ATAD1: variants seen among roughly 807,000 people sequenced by gnomAD.
The protein encoded by ATAD1 is outer mitochondrial transmembrane helix translocase.
Under a neutral mutation model 42.7 loss-of-function variants are expected in ATAD1, and 18 were observed. The ratio of observed to expected loss-of-function variants is 0.42; its 90% CI spans 0.29 to 0.63. The LOEUF (loss-of-function observed/expected upper bound fraction) is 0.63, where lower values mean the gene tolerates loss of function less well. ATAD1 is among the 20% of genes least tolerant of loss of function. The probability of loss-of-function intolerance (pLI) is 0.19; values close to 1 mark genes in which losing one functional copy is unlikely to be tolerated. For missense variants in ATAD1, 294 were observed against 440.4 expected (o/e 0.67, Z 2.98); for synonymous variants, 132 against 143.1 (o/e 0.92, Z 0.55).
chr10:87,795,465 G>GTTT (rs60783935), intron 2 of ATAD1, among the ~76,000 whole-genome samples: 41,535 of 143,372 alleles, frequency 0.29, 6,215 homozygotes, highest in Middle Eastern at 0.32. Context: ...TGGTTTGCTT[G>GTTT]TTTTTTTTTT....
At chr10:87,839,713 G>A (rs570953024) in intron 1 of ATAD1, among the ~76,000 whole-genome samples, 214 of 120,662 alleles carry the variant, frequency 1.8e-3, no homozygotes, top group African/African-American at 6.3e-3. Context: ...CTTCCCCCCC[G>A]CCGCCCCCAG....
intron 8 of ATAD1, chr10:87,759,855 C>T: frequency 2.4e-6 from 1 of 412,408 alleles, no homozygotes; most frequent in Non-Finnish European, 4.9e-6. Flanking sequence ...TATAGCTCAC[C>T]AAAATGCTTG....
intron 8 of ATAD1, among the ~76,000 whole-genome samples, chr10:87,763,344 CTA>C (rs979904534): frequency 2.8e-4 from 42 of 152,236 alleles, no homozygotes; most frequent in African/African-American, 9.9e-4. Flanking sequence ...TTTGCATACA[CTA>C]TATGTTATTT....
intron 1 of ATAD1, among the ~76,000 whole-genome samples, chr10:87,827,559 G>T (rs890664790): frequency 1.3e-5 from 2 of 152,210 alleles, no homozygotes; most frequent in African/African-American, 4.8e-5. Flanking sequence ...TATTATATCT[G>T]TTACGGTGAT....
In ATAD1 at chr10:87,805,568, T is replaced by C. The variant is rs114942962; in HGVS notation, c.162+8870A>G. ...AATACTGATCACATATTTACCTAAA[T>C]AGGCCCCCAACCTCCTCCACTCACT... On this transcript the variant is annotated intron_variant, in intron 2 of 9. Coordinates refer to ENST00000680024, the MANE Select transcript of ATAD1 (RefSeq NM_001321967.2). 3.2e-3 allele frequency among the ~76,000 whole-genome samples: 493 copies of C among 152,234 alleles called. 3 individuals carry two copies. The highest frequency in any genetic ancestry group is 0.011 in the African/African-American group (462 of 41,552).
chr10:87,775,690 G>C (rs1855273678), intron 6 of ATAD1, among the ~76,000 whole-genome samples: 1 of 152,064 alleles, frequency 6.6e-6, no homozygotes, highest in Admixed American at 6.6e-5. Context: ...GGAACCTGAA[G>C]AGGAAAACTG....
At chr10:87,757,795 T>TC (rs1854290656) in intron 8 of ATAD1, among the ~76,000 whole-genome samples, 1 of 152,298 alleles carries the variant, frequency 6.6e-6, no homozygotes, top group African/African-American at 2.4e-5. Context: ...TTTACTAAAT[T>TC]CCCATTTGTA....
At chr10:87,821,839 T>C (rs963703408), upstream of ATAD1, among the ~76,000 whole-genome samples, 1 of 152,318 alleles carries the variant, frequency 6.6e-6, no homozygotes, top group African/African-American at 2.4e-5. Flanking sequence ...AGTAAATCAG[T>C]AAACAAACAT....
intron 6 of ATAD1, among the ~76,000 whole-genome samples, chr10:87,772,221 T>C (rs4934369): frequency 0.42 from 63,522 of 151,664 alleles, 13,792 homozygotes; most frequent in South Asian, 0.62. Context: ...TTCTTTCTTT[T>C]TTTTTTTGAA....
At chr10:87,786,406 A>C (rs1372139279) in intron 4 of ATAD1, among the ~76,000 whole-genome samples, 1 of 152,230 alleles carries the variant, frequency 6.6e-6, no homozygotes, top group Non-Finnish European at 1.5e-5. Flanking sequence ...ATCACTTGGA[A>C]TATTTCCCTT....
At chr10:87,790,480 T>C in intron 3 of ATAD1, 50 bp from the exon 4 acceptor site, 2 of 1,522,876 alleles carry the variant, frequency 1.3e-6, no homozygotes, top group Non-Finnish European at 1.7e-6. Context: ...GTACACTCAC[T>C]AAAGTAAAAA....
rs147252805 is a variant in ATAD1, at chr10:87,783,517, A to G, written c.583+953T>C. ...AAACAAAGCTATACTACATATTTGT[A>G]TCTATTTTTCTCTCTACATATTTAC... On this transcript the variant is annotated intron_variant, in intron 5 of 9. Coordinates refer to ENST00000680024, the MANE Select transcript of ATAD1 (RefSeq NM_001321967.2). Among the ~76,000 whole-genome samples, 28 of 152,210 alleles carry G rather than the reference A, an allele frequency of 1.8e-4. No homozygotes were observed. The East Asian group carries it at 5.0e-3, about 27-fold the overall frequency.
chr10:87,839,003 C>T (rs1272537960), intron 1 of ATAD1, among the ~76,000 whole-genome samples: 1 of 152,124 alleles, frequency 6.6e-6, no homozygotes, highest in Non-Finnish European at 1.5e-5. Context: ...CCTCATTCTT[C>T]CCAATTCAGT....
At chr10:87,808,616 C>G (rs2132036647) in intron 2 of ATAD1, among the ~76,000 whole-genome samples, 2 of 152,192 alleles carry the variant, frequency 1.3e-5, no homozygotes, top group African/African-American at 4.8e-5. Context: ...TTATTAAAAG[C>G]TTTTCTAAAA....
rs1273032320 is a variant in ATAD1, at chr10:87,752,435, T to C, written c.*2252A>G. The C allele has an allele frequency of 2.0e-5, 3 of 152,210 alleles. No individual in the cohort carries two copies. The highest frequency in any genetic ancestry group is 2.0e-4 in the Admixed American group (3 of 15,270). 9.4% of individuals were successfully genotyped at this position (152,210 alleles called of 1,614,324 possible). ...ACAGCTAACATTTGAGCAGTAATTC[T>C]GTGCCAGGCACTATGCTGAGGGCCT... On this transcript the variant is annotated 3_prime_UTR_variant, in exon 10 of 10. Coordinates refer to ENST00000680024, the MANE Select transcript of ATAD1 (RefSeq NM_001321967.2).
chr10:87,816,145 A>C (rs1857405878), intron 1 of ATAD1, among the ~76,000 whole-genome samples: 1 of 152,172 alleles, frequency 6.6e-6, no homozygotes, highest in Admixed American at 6.5e-5. Context: ...AAATCCTTAT[A>C]AACAAGATGT....
chr10:87,825,330 G>A (rs1370600870), intron 1 of ATAD1, among the ~76,000 whole-genome samples: 8 of 126,544 alleles, frequency 6.3e-5, no homozygotes, highest in African/African-American at 9.2e-5. Flanking sequence ...TTTTTTTTGA[G>A]ATGGAGTCTT....
In ATAD1 at chr10:87,754,082, G is replaced by A. The variant is rs1162492358; in HGVS notation, c.*605C>T. ...GATGTGGAGGATCCAACTAATAACT[G>A]CAGAAATAAAAACACTCAACTTAAA... On this transcript the variant is annotated 3_prime_UTR_variant, in exon 10 of 10. Transcript: ENST00000680024. The A allele has an allele frequency of 6.6e-6, 1 of 152,348 alleles. No individual in the cohort carries two copies. The highest frequency in any genetic ancestry group is 1.5e-5 in the Non-Finnish European group (1 of 67,986). 9.4% of individuals were successfully genotyped at this position (152,348 alleles called of 1,614,324 possible). A position where few individuals can be genotyped will look rare whatever the true frequency, so the allele number is the denominator to read the frequency against.
chr10:87,761,093 A>T (rs555361851), intron 8 of ATAD1, among the ~76,000 whole-genome samples: 9 of 152,088 alleles, frequency 5.9e-5, no homozygotes, highest in South Asian at 4.2e-4. Flanking sequence ...ACAACAAAAA[A>T]CCCTTATTTA....
Sources: gnomAD v4.1 joint callset for allele counts (sites outside exome capture counted in the v4.1 genomes callset) on GRCh38, gnomAD v4.1.1 for gene constraint, MANE v1.5 for transcripts, NCBI Gene and HGNC (gene_info 2026-07-23, HGNC 2026-07-21) for gene names.